TBX19: variants seen among roughly 807,000 people sequenced by gnomAD.
TBX19 encodes T-box transcription factor 19.
A neutral mutation model predicts 40.9 loss-of-function variants in TBX19; 33 were observed. The observed-to-expected ratio is 0.81, with a 90% CI of 0.61 to 1.08. The LOEUF (loss-of-function observed/expected upper bound fraction) is 1.08. TBX19 is among the 50% of genes least tolerant of loss of function. The pLI is 0.00. For synonymous variants in TBX19, 220 were observed against 225.0 expected, an observed-to-expected ratio of 0.98 and a Z score of 0.20; for missense variants, 494 against 574.0, an observed-to-expected ratio of 0.86 and a Z score of 1.42.
chr1:168,293,446 C>A (rs1649005758), intron 3 of TBX19, among the ~76,000 whole-genome samples, 168 bp downstream of exon 3: 1 of 152,096 alleles, frequency 6.6e-6, no homozygotes, highest in Non-Finnish European at 1.5e-5. Flanking sequence ...AGTAGCTGCT[C>A]TCCCTCCCTC....
Position 168,312,957 on chromosome 1 carries a change from C to T in TBX19, c.1302C>T (p.Gly434=), listed in dbSNP as rs1286920959. The change falls in exon 8 of 8, where the codon GGC becomes GGT. Residue 434 remains glycine, a synonymous_variant. Coordinates refer to ENST00000367821, the MANE Select transcript of TBX19 (RefSeq NM_005149.3). ...VASHPFAGWG[G]PGAGGHHSPS... is the part of the protein sequence containing the mutation. ...CGCATCCCTTCGCGGGCTGGGGTGG[C>T]CCAGGAGCGGGTGGGCACCATTCTC... 6.2e-7 allele frequency: 1 copy of T among 1,614,210 alleles called. No homozygotes were observed. Among genetic ancestry groups the T allele is most frequent in the Admixed American group, 1.7e-5 (1 of 60,036 alleles).
intron 1 of TBX19, 121 bp downstream of exon 1, chr1:168,281,414 T>C: frequency 1.1e-6 from 1 of 904,626 alleles, no homozygotes; most frequent in Non-Finnish European, 1.8e-6. Flanking sequence ...TAAACATGCT[T>C]ACAGGAACGA....
At chr1:168,305,297 A>G in intron 6 of TBX19, 101 bp downstream of exon 6, 1 of 1,088,124 alleles carries the variant, frequency 9.2e-7, no homozygotes, top group Non-Finnish European at 1.4e-6. Context: ...TAAAGATGGA[A>G]CCCCGTCATC....
chr1:168,285,261 T>TCACACA (rs36217752), intron 1 of TBX19, among the ~76,000 whole-genome samples: 25 of 148,172 alleles, frequency 1.7e-4, no homozygotes, highest in South Asian at 1.3e-3. Flanking sequence ...ACCATGTATG[T>TCACACA]CACACACACA....
chr1:168,281,382 C>A, intron 1 of TBX19, 89 bp downstream of exon 1: 1 of 1,240,240 alleles, frequency 8.1e-7, no homozygotes, highest in Non-Finnish European at 1.2e-6. Flanking sequence ...CCGCTCTTCA[C>A]TCAGAGGCGG....
chr1:168,313,143 A>G lies in TBX19; in HGVS notation c.*141A>G, dbSNP rs905601315. 7 of 1,022,456 alleles carry G rather than the reference A, an allele frequency of 6.8e-6. No homozygotes were observed. In the Admixed American group the frequency reaches 1.2e-4, roughly 18 times the overall value. The allele number at this position is 1,022,456 out of a possible 1,614,324, so 63.3% of individuals were successfully genotyped here. ...GTGGAGGTGGGTTATTACAGAAGTCATACTGGGAGAGGGTTCAGTTTGGAT... is the reference window on the plus strand; with the variant it reads ...GTGGAGGTGGGTTATTACAGAAGTCGTACTGGGAGAGGGTTCAGTTTGGAT... On this transcript the variant is annotated 3_prime_UTR_variant, in exon 8 of 8. Coordinates refer to ENST00000367821, the MANE Select transcript of TBX19 (RefSeq NM_005149.3).
intron 1 of TBX19, among the ~76,000 whole-genome samples, chr1:168,281,855 C>T (rs1648660717): frequency 6.6e-6 from 1 of 152,194 alleles, no homozygotes; most frequent in South Asian, 2.1e-4. Context: ...GATATGAAAG[C>T]TGTTGCAGTA....
rs758747391 is a variant in TBX19 at position 168,305,188 on chromosome 1, C to G, written c.908C>G (p.Ser303Cys). The change falls in exon 6 of 8, where the codon TCT (serine) becomes TGT (cysteine). Residue 303 changes from serine to cysteine, a missense_variant. Around this residue, in one of 3 missense-constraint regions of TBX19, gnomAD observed 284 missense variants for 307.3 expected, o/e 0.92. Coordinates refer to ENST00000367821, the MANE Select transcript of TBX19 (RefSeq NM_005149.3). ...TCTGCGTACATGCACAGAAACCATT[C>G]TCCCTCAGGTCTGTGACTCTGCTGA... ...YPSAYMHRNH[S>C]PSVNLIESSS... The G allele has an allele frequency of 1.9e-5, 30 of 1,611,352 alleles. No homozygotes were observed. Among genetic ancestry groups the G allele is most frequent in the Non-Finnish European group, 2.1e-5 (25 of 1,180,014 alleles).
chr1:168,307,738 C>T (rs1406374555), intron 6 of TBX19, among the ~76,000 whole-genome samples: 1 of 152,050 alleles, frequency 6.6e-6, no homozygotes, highest in Non-Finnish European at 1.5e-5. Context: ...TCTTCCCCCA[C>T]CCCCATAAAA....
At chr1:168,312,566 C>T (rs751214718) in intron 7 of TBX19, 142 bp from the exon 8 acceptor site, 33 of 916,728 alleles carry the variant, frequency 3.6e-5, no homozygotes, top group Middle Eastern at 3.2e-4. Flanking sequence ...GACCAATCTG[C>T]GTCATAGCTA....
chr1:168,292,298 A>G (rs1389354364), intron 2 of TBX19, among the ~76,000 whole-genome samples: 1 of 152,218 alleles, frequency 6.6e-6, no homozygotes, highest in African/African-American at 2.4e-5. Context: ...ATTGAACAGT[A>G]AATTGTTACT....
intron 5 of TBX19, among the ~76,000 whole-genome samples, chr1:168,301,270 C>CA (rs1553290144): frequency 8.7e-5 from 13 of 149,438 alleles, no homozygotes; most frequent in Admixed American, 1.3e-4. Context: ...GAAAAGCACT[C>CA]TTTTTTTTTT....
chr1:168,311,051 G>T (rs1343019028), intron 7 of TBX19, among the ~76,000 whole-genome samples: 1 of 151,754 alleles, frequency 6.6e-6, no homozygotes, highest in Non-Finnish European at 1.5e-5. Flanking sequence ...TTTATGGTTT[G>T]CATTTTGACG....
At position 168,293,293 on chromosome 1, in the gene TBX19, G is replaced by GTT; in HGVS notation, c.603+16_603+17insTT. ...AGAATGAGGAGGTAAGAGTGTGTGT[G>GTT]TGTGTGTGTGTGTGTGTGTGTGTGT... On this transcript the variant is annotated intron_variant, in intron 3 of 7. Transcript: ENST00000367821. The GTT allele has an allele frequency of 1.5e-6, 2 of 1,362,998 alleles. No homozygotes were observed. Among genetic ancestry groups the GTT allele is most frequent in the Non-Finnish European group, 2.0e-6 (2 of 1,020,540 alleles). The allele number at this position is 1,362,998 out of a possible 1,614,324, so 84.4% of individuals were successfully genotyped here. A position where few individuals can be genotyped will look rare whatever the true frequency, so the allele number is the denominator to read the frequency against.
intron 5 of TBX19, among the ~76,000 whole-genome samples, chr1:168,303,029 TTTTA>T (rs965804855): frequency 2.0e-5 from 3 of 152,136 alleles, no homozygotes; most frequent in African/African-American, 7.2e-5. Flanking sequence ...TAGTATTTCT[TTTTA>T]TTTATTTATT....
At position 168,309,242 on chromosome 1, in the gene TBX19, G is replaced by T. The variant is rs375005822; in HGVS notation, c.1052+365G>T. 3.9e-5 allele frequency among the ~76,000 whole-genome samples: 6 copies of T among 152,138 alleles called. No individual in the cohort carries two copies. In the East Asian group the frequency reaches 1.2e-3, roughly 30 times the overall value. Reference sequence around the variant, plus strand: ...ACAAAAATTAGCTGGGCATGGTGGCGCATGCCTGTAATCCTAGCTACTCAG... The same window carrying T: ...ACAAAAATTAGCTGGGCATGGTGGCTCATGCCTGTAATCCTAGCTACTCAG... On this transcript the variant is annotated intron_variant, in intron 7 of 7. Transcript: ENST00000367821.
At chr1:168,302,695 C>CA (rs3835597) in intron 5 of TBX19, among the ~76,000 whole-genome samples, 9,318 of 150,710 alleles carry the variant, frequency 0.062, 467 homozygotes, top group East Asian at 0.21. Context: ...ACCCCAAAAC[C>CA]AAAAAAAAAC....
intron 7 of TBX19, among the ~76,000 whole-genome samples, chr1:168,309,095 G>A (rs181923747): frequency 3.9e-5 from 6 of 152,270 alleles, no homozygotes; most frequent in African/African-American, 7.2e-5. Flanking sequence ...AGGATAGGCC[G>A]GGTGCAGTGG....
chr1:168,308,797 C>G lies in TBX19; in HGVS notation c.972C>G (p.Ser324Arg), dbSNP rs1649462825. The G allele has an allele frequency of 2.5e-6, 4 of 1,614,124 alleles. No individual in the cohort carries two copies. Among genetic ancestry groups the G allele is most frequent in the Non-Finnish European group, 3.4e-6 (4 of 1,180,014 alleles). Reference protein sequence around the residue: ...NNLQVFSGPDSWTSLSSTPHA... With the variant: ...NNLQVFSGPDRWTSLSSTPHA... ...TGCAAGTTTTCTCGGGACCTGACAG[C>G]TGGACTTCCTTATCCTCCACACCCC... Residue 324 changes from serine (S) to arginine (R), a missense_variant, in exon 7 of 8, where the codon AGC becomes AGG. Physicochemically the swap from Ser to Arg is moderately radical, Grantham distance 110 (BLOSUM62 -1). This residue lies in a region of TBX19 where 284 missense variants were observed against 307.3 expected (regional missense o/e 0.92). Transcript: ENST00000367821.
Sources: gnomAD v4.1 joint callset for allele counts (sites outside exome capture counted in the v4.1 genomes callset) on GRCh38, gnomAD v4.1.1 for gene constraint, gnomAD v4.1.1 regional missense constraint, MANE v1.5 for transcripts, NCBI Gene and HGNC (gene_info 2026-07-23, HGNC 2026-07-21) for gene names.